DGKH: variants seen among roughly 807,000 people sequenced by gnomAD.
DGKH encodes diacylglycerol kinase eta.
A neutral mutation model predicts 159.3 loss-of-function variants in DGKH; 90 were observed. The observed-to-expected ratio is 0.57, with a 90% confidence interval of 0.48 to 0.67. The LOEUF is 0.67. DGKH is among the 30% of genes least tolerant of loss of function. DGKH has a pLI of 0.00. For synonymous variants in DGKH, 536 were observed against 553.8 expected (o/e 0.97, Z 0.45); for missense variants, 1,181 against 1,506.1 (o/e 0.78, Z 3.57).
At chr13:42,069,719 A>C in intron 1 of DGKH, 1 of 1,116,258 alleles carries the variant, frequency 9.0e-7, no homozygotes, top group Non-Finnish European at 1.3e-6. Flanking sequence ...TTCTCTCTCC[A>C]AACTAAGTTA....
intron 1 of DGKH, among the ~76,000 whole-genome samples, chr13:42,061,102 ACT>A (rs1325127310): frequency 6.6e-6 from 1 of 152,144 alleles, no homozygotes; most frequent in Non-Finnish European, 1.5e-5. Context: ...TGGCAAATGC[ACT>A]GAGTTTTATA....
At chr13:42,208,575 A>G (rs1426808578) in intron 21 of DGKH, among the ~76,000 whole-genome samples, 1 of 151,970 alleles carries the variant, frequency 6.6e-6, no homozygotes, top group East Asian at 1.9e-4. Context: ...CTATGACACT[A>G]TATCGCCTTT....
In DGKH at chr13:42,189,174, G is replaced by A; in HGVS notation, c.1777G>A (p.Gly593Ser). 1 of 1,614,210 alleles carries A rather than the reference G, an allele frequency of 6.2e-7. No homozygotes were observed. ...GGAATCGTCCAGTGAAGAGTCCCTG[G>A]GTGAAAGCAAAGAGCAGCTTGGGGA... ...AVESSSEESLGESKEQLGDDV... is the reference protein window; with the variant it reads ...AVESSSEESLSESKEQLGDDV... The change falls in exon 15 of 30, where the codon GGT becomes AGT. Residue 593 changes from glycine to serine, a missense_variant. By Grantham distance (56) the Gly-to-Ser change is moderately conservative. Around this residue, in one of 5 missense-constraint regions of DGKH, gnomAD observed 257 missense variants for 281.5 expected, o/e 0.91. Coordinates refer to ENST00000337343, the MANE Select transcript of DGKH (RefSeq NM_178009.5).
At chr13:42,179,162 G>A (rs961935950) in intron 13 of DGKH, among the ~76,000 whole-genome samples, 1 of 152,202 alleles carries the variant, frequency 6.6e-6, no homozygotes, top group African/African-American at 2.4e-5. Context: ...TTACAGCAAG[G>A]GAAGCACACT....
chr13:42,252,114 GAAAGAGC>G (rs1958624618), intron 29 of DGKH, among the ~76,000 whole-genome samples: 1 of 151,074 alleles, frequency 6.6e-6, no homozygotes, highest in African/African-American at 2.4e-5. Flanking sequence ...GTCATAAAAT[GAAAGAGC>G]TTTTCCTTTT....
intron 1 of DGKH, among the ~76,000 whole-genome samples, chr13:42,053,645 A>G (rs1881535358): frequency 6.8e-6 from 1 of 147,864 alleles, no homozygotes. Flanking sequence ...TTTGAGACGG[A>G]GTCTTACTCT....
At chr13:42,151,578 TACACACACACACAC>T (rs60281789) in intron 3 of DGKH, among the ~76,000 whole-genome samples, 3,388 of 93,428 alleles carry the variant, frequency 0.036, 83 homozygotes, top group Non-Finnish European at 0.059. Flanking sequence ...CTTATATGTA[TACACACACACACAC>T]ACACACACAC....
chr13:42,244,422 C>G (rs987172919), downstream of DGKH, among the ~76,000 whole-genome samples: 8 of 152,238 alleles, frequency 5.3e-5, no homozygotes, highest in African/African-American at 1.9e-4. Flanking sequence ...CCCTGAGACA[C>G]TGGCAGCAAC....
intron 1 of DGKH, among the ~76,000 whole-genome samples, chr13:42,077,194 G>GTA (rs1954116707): frequency 6.6e-6 from 1 of 152,070 alleles, no homozygotes; most frequent in South Asian, 2.1e-4. Flanking sequence ...ACTGGATAGT[G>GTA]TATAAAAAGA....
intron 29 of DGKH, among the ~76,000 whole-genome samples, chr13:42,226,516 G>A (rs572842003): frequency 6.6e-6 from 1 of 152,248 alleles, no homozygotes; most frequent in Non-Finnish European, 1.5e-5. Context: ...TTGCAGCACT[G>A]TTAACAATAG....
intron 28 of DGKH, among the ~76,000 whole-genome samples, chr13:42,220,674 G>A (rs531232013): frequency 7.2e-5 from 11 of 152,224 alleles, no homozygotes; most frequent in African/African-American, 1.7e-4. Context: ...TGAAAATAAC[G>A]TAATCCAACT....
At chr13:42,059,852 T>C (rs1882014527) in intron 1 of DGKH, among the ~76,000 whole-genome samples, 1 of 152,050 alleles carries the variant, frequency 6.6e-6, no homozygotes, top group Admixed American at 6.5e-5. Flanking sequence ...TGACCACATC[T>C]TCTCACATCT....
At chr13:42,192,451 G>A (rs1355283399) in intron 16 of DGKH, among the ~76,000 whole-genome samples, 1 of 152,096 alleles carries the variant, frequency 6.6e-6, no homozygotes, top group African/African-American at 2.4e-5. Context: ...TGGCCTTTAT[G>A]TAGTGTTTAT....
At chr13:42,143,058 T>C (rs1955612425) in intron 3 of DGKH, among the ~76,000 whole-genome samples, 1 of 152,178 alleles carries the variant, frequency 6.6e-6, no homozygotes, top group Non-Finnish European at 1.5e-5. Context: ...CTTATTACTT[T>C]GAGATACATC....
intron 3 of DGKH, among the ~76,000 whole-genome samples, chr13:42,150,949 CAG>C (rs1252663721): frequency 6.6e-6 from 1 of 151,818 alleles, no homozygotes; most frequent in Non-Finnish European, 1.5e-5. Context: ...CAAGAGGAAT[CAG>C]AGAGTCAGAG....
intron 24 of DGKH, 77 bp from the exon 25 acceptor site, chr13:42,214,430 T>C (rs540207630): frequency 7.1e-7 from 1 of 1,401,504 alleles, no homozygotes; most frequent in South Asian, 1.3e-5. Flanking sequence ...TGTTTTATCC[T>C]AACATTTCTA....
At chr13:42,181,671 C>A in intron 13 of DGKH, 1 of 394,398 alleles carries the variant, frequency 2.5e-6, no homozygotes, top group Non-Finnish European at 5.2e-6. Flanking sequence ...TCTGTTTAAG[C>A]CACCCCATTC....
At chr13:42,129,269 G>A (rs1278692102) in intron 2 of DGKH, among the ~76,000 whole-genome samples, 1 of 152,192 alleles carries the variant, frequency 6.6e-6, no homozygotes, top group Non-Finnish European at 1.5e-5. Flanking sequence ...CACTCAGCAG[G>A]TTCCCCGTAA....
chr13:42,053,590 A>ATATATATGTATATATATAAC (rs1279688011), intron 1 of DGKH, among the ~76,000 whole-genome samples: 3 of 74,946 alleles, frequency 4.0e-5, no homozygotes, highest in African/African-American at 1.6e-4. Context: ...ATATATAACT[A>ATATATATGTATATATATAAC]TATATATGTA....
Sources: gnomAD v4.1 joint callset for allele counts (sites outside exome capture counted in the v4.1 genomes callset) on GRCh38, gnomAD v4.1.1 for gene constraint, gnomAD v4.1.1 regional missense constraint, MANE v1.5 for transcripts, NCBI Gene and HGNC (gene_info 2026-07-23, HGNC 2026-07-21) for gene names.